CYP2S1: variants seen among roughly 807,000 people sequenced by gnomAD.
The protein encoded by CYP2S1 is cytochrome P450 family 2 subfamily S member 1.
Under a neutral mutation model 43.5 loss-of-function variants are expected in CYP2S1, and 32 were observed. The observed-to-expected ratio is 0.74, with a 90% CI of 0.56 to 0.99. The LOEUF (loss-of-function observed/expected upper bound fraction) is 0.99. CYP2S1 is among the 50% of genes least tolerant of loss of function. CYP2S1 has a pLI of 0.00. For synonymous variants in CYP2S1, 283 were observed against 302.9 expected (o/e 0.93, Z 0.68); for missense variants, 575 against 673.9 (o/e 0.85, Z 1.62).
rs2033385099 is a variant in CYP2S1 at position 41,194,546 on chromosome 19, G to A, written c.180G>A (p.Leu60=). ...TCTTTCTTCCTCCCTACCCCCAGCT[G>A]AGTAAGAAGTACGGACCGGTGTTCA... The part of the protein sequence containing the change: ...PGALYSGLMR[L]SKKYGPVFTI... Residue 60 remains leucine, a splice_region_variant and synonymous_variant, in exon 2 of 9, where the codon CTG becomes CTA. Coordinates refer to ENST00000310054, the MANE Select transcript of CYP2S1 (RefSeq NM_030622.8). 1.9e-6 allele frequency: 3 copies of A among 1,580,754 alleles called. No homozygotes were observed. The highest frequency in any genetic ancestry group is 2.6e-6 in the Non-Finnish European group (3 of 1,166,746).
chr19:41,195,967 T>C (rs987189608), intron 2 of CYP2S1, among the ~76,000 whole-genome samples: 2 of 151,938 alleles, frequency 1.3e-5, no homozygotes, highest in Non-Finnish European at 2.9e-5. Context: ...AGATATGGTG[T>C]CCTCTCCTAC....
At position 41,206,549 on chromosome 19, in the gene CYP2S1, A is replaced by G; in HGVS notation, c.*61A>G. ...GGTGCCTCCAGCCTCAACAGTGGGC[A>G]TGGACAGGGTTAATGTCTCCAGAGT... On this transcript the variant is annotated 3_prime_UTR_variant, in exon 9 of 9. Coordinates refer to ENST00000310054, the MANE Select transcript of CYP2S1 (RefSeq NM_030622.8). 1 of 1,591,098 alleles carries G rather than the reference A, an allele frequency of 6.3e-7. No individual in the cohort carries two copies. Among genetic ancestry groups the G allele is most frequent in the Non-Finnish European group, 8.6e-7 (1 of 1,159,804 alleles).
chr19:41,198,346 C>G lies in CYP2S1; in HGVS notation c.494-116C>G. ...CTTTGCCTGTTTAGCTCTCTCCCTG[C>G]GCTGTCCATCCATCTTTCCCTGCCT... On this transcript the variant is annotated intron_variant, in intron 3 of 8. Transcript: ENST00000310054. The surrounding 1 kb of genome is among the most constrained non-coding windows in gnomAD (Gnocchi z 4.9). 1 of 1,344,232 alleles carries G rather than the reference C, an allele frequency of 7.4e-7. No homozygotes were observed. The highest frequency in any genetic ancestry group is 1.0e-6 in the Non-Finnish European group (1 of 969,320). 83.3% of individuals were successfully genotyped at this position (1,344,232 alleles called of 1,614,324 possible). A position where few individuals can be genotyped will look rare whatever the true frequency, so the allele number is the denominator to read the frequency against.
At chr19:41,204,252 G>C (rs1383207535) in intron 7 of CYP2S1, among the ~76,000 whole-genome samples, 1 of 152,110 alleles carries the variant, frequency 6.6e-6, no homozygotes, top group African/African-American at 2.4e-5. Context: ...CTGCCCCACA[G>C]ATCTCCCAAT....
intron 7 of CYP2S1, 50 bp downstream of exon 7, chr19:41,203,687 G>C (rs2033523679): frequency 1.4e-6 from 2 of 1,449,586 alleles, no homozygotes; most frequent in Non-Finnish European, 9.1e-7. Context: ...CGGGGCCTGA[G>C]CCCGGGTGGT....
At chr19:41,205,410 T>TTCTCTCTC (rs1568402597) in intron 7 of CYP2S1, among the ~76,000 whole-genome samples, 11 of 128,704 alleles carry the variant, frequency 8.5e-5, no homozygotes, top group African/African-American at 3.1e-4. Context: ...CTCTCTTTCT[T>TTCTCTCTC]TCTTTCTTTC....
chr19:41,207,362 C>G lies in CYP2S1; in HGVS notation c.*874C>G, dbSNP rs1463056006. ...GCCCCTCCACACACACATACACACT[C>G]ACTGATCTACAGCCCCTGTTCGGCG... is the stretch of plus-strand genomic sequence containing the variant. On this transcript the variant is annotated 3_prime_UTR_variant, in exon 9 of 9. Transcript: ENST00000310054. 1 of 168,276 alleles carries G rather than the reference C, an allele frequency of 5.9e-6. No individual in the cohort carries two copies. Among genetic ancestry groups the G allele is most frequent in the African/African-American group, 2.4e-5 (1 of 41,758 alleles). 10.4% of individuals were successfully genotyped at this position (168,276 alleles called of 1,614,324 possible). A position where few individuals can be genotyped will look rare whatever the true frequency, so the allele number is the denominator to read the frequency against.
At position 41,198,824 on chromosome 19, in the gene CYP2S1, G is replaced by A; in HGVS notation, c.770G>A (p.Gly257Glu). Reference sequence around the variant, plus strand: ...GTCCGGCAGGTGCAGCAGCACCAGGGGAACCTGGATGCTTCGGGCCCCGCA... The same window carrying A: ...GTCCGGCAGGTGCAGCAGCACCAGGAGAACCTGGATGCTTCGGGCCCCGCA... ...FTVRQVQQHQ[G>E]NLDASGPARD... Residue 257 changes from glycine to glutamate, a missense_variant, in exon 5 of 9, where the codon GGG becomes GAG. Physicochemically the swap from Gly to Glu is moderately conservative, Grantham distance 98. Coordinates refer to ENST00000310054, the MANE Select transcript of CYP2S1 (RefSeq NM_030622.8). This position sits in a 1 kb window ranked among gnomAD's most constrained non-coding sequence, Gnocchi z 4.9. 1 of 1,614,172 alleles carries A rather than the reference G, an allele frequency of 6.2e-7. No individual in the cohort carries two copies. Among genetic ancestry groups the A allele is most frequent in the Non-Finnish European group, 8.5e-7 (1 of 1,180,034 alleles).
At chr19:41,203,290 C>T (rs2033514755) in intron 6 of CYP2S1, among the ~76,000 whole-genome samples, 160 bp from the exon 7 acceptor site, 1 of 152,048 alleles carries the variant, frequency 6.6e-6, no homozygotes, top group Non-Finnish European at 1.5e-5. Flanking sequence ...ACACCCAACA[C>T]ACAAGATGTG....
chr19:41,207,052 C>G lies in CYP2S1; in HGVS notation c.*564C>G, dbSNP rs937873117. The G allele has an allele frequency of 2.9e-6, 1 of 349,390 alleles. No individual in the cohort carries two copies. The allele number at this position is 349,390 out of a possible 1,614,324, so 21.6% of individuals were successfully genotyped here. Reference sequence around the variant, plus strand: ...TGTGACCACCGATGTCCACACACCCCCAACCACTTGTCCACACAGCTACCC... The same window carrying G: ...TGTGACCACCGATGTCCACACACCCGCAACCACTTGTCCACACAGCTACCC... On this transcript the variant is annotated 3_prime_UTR_variant, in exon 9 of 9. Coordinates refer to ENST00000310054, the MANE Select transcript of CYP2S1 (RefSeq NM_030622.8).
Position 41,206,114 on chromosome 19 carries a change from C to T in CYP2S1, c.1306+15C>T. ...CTTCTCCTTAGGTATCTGCTGCAGC[C>T]CTGGGTATCACAAGCAGGTGCTGGC... is the stretch of plus-strand genomic sequence containing the variant. On this transcript the variant is annotated intron_variant, in intron 8 of 8. Transcript: ENST00000310054. 1 of 1,613,106 alleles carries T rather than the reference C, an allele frequency of 6.2e-7. No individual in the cohort carries two copies. The highest frequency in any genetic ancestry group is 8.5e-7 in the Non-Finnish European group (1 of 1,179,412).
At chr19:41,205,100 C>T (rs568672677) in intron 7 of CYP2S1, among the ~76,000 whole-genome samples, 2 of 152,258 alleles carry the variant, frequency 1.3e-5, no homozygotes, top group African/African-American at 2.4e-5. Context: ...TGACAGGTAT[C>T]CAGGCTTGAG....
In CYP2S1 at chr19:41,198,989, TTCTC is replaced by T. The variant is rs2033453913; in HGVS notation, c.834+107_834+110del. The T allele has an allele frequency of 7.3e-7, 1 of 1,371,998 alleles. No individual in the cohort carries two copies. Among genetic ancestry groups the T allele is most frequent in the South Asian group, 1.4e-5 (1 of 72,028 alleles). 85.0% of individuals were successfully genotyped at this position (1,371,998 alleles called of 1,614,324 possible). A position where few individuals can be genotyped will look rare whatever the true frequency, so the allele number is the denominator to read the frequency against. On this transcript the variant is annotated intron_variant, in intron 5 of 8. Coordinates refer to ENST00000310054, the MANE Select transcript of CYP2S1 (RefSeq NM_030622.8). The surrounding 1 kb of genome is among the most constrained non-coding windows in gnomAD (Gnocchi z 4.9). ...GGACCTCAATTGGGTTCCTCTCTCTTTCTCTCTCTGCATGTCTCTGTGAGTATGA... is the reference window on the plus strand; with the variant it reads ...GGACCTCAATTGGGTTCCTCTCTCTTTCTCTGCATGTCTCTGTGAGTATGA...
At position 41,196,249 on chromosome 19, in the gene CYP2S1, G is replaced by A. The variant is rs1405630689; in HGVS notation, c.344-1530G>A. Among the ~76,000 whole-genome samples the A allele has an allele frequency of 8.5e-5, 13 of 152,146 alleles. 1 individual carries two copies. Among genetic ancestry groups the A allele is most frequent in the Non-Finnish European group, 1.8e-4 (12 of 68,036 alleles). On this transcript the variant is annotated intron_variant, in intron 2 of 8. Coordinates refer to ENST00000310054, the MANE Select transcript of CYP2S1 (RefSeq NM_030622.8). Reference sequence around the variant, plus strand: ...ATAGGCCTAGACAGGGGATCCTGACGCCCTTGAGGAAGTGAGAGAAGACCA... The same window carrying A: ...ATAGGCCTAGACAGGGGATCCTGACACCCTTGAGGAAGTGAGAGAAGACCA...
At chr19:41,205,669 A>C (rs760247391) in intron 7 of CYP2S1, among the ~76,000 whole-genome samples, 2 of 151,880 alleles carry the variant, frequency 1.3e-5, no homozygotes, top group Non-Finnish European at 1.5e-5. Flanking sequence ...CAACGGGCTC[A>C]TACCACCATG....
At chr19:41,194,761 G>A (rs755689505) in intron 2 of CYP2S1, 52 bp downstream of exon 2, 1 of 1,572,670 alleles carries the variant, frequency 6.4e-7, no homozygotes, top group Non-Finnish European at 8.6e-7. Context: ...CCACTTACTG[G>A]TGTGTGACCT....
chr19:41,206,024 G>C lies in CYP2S1; in HGVS notation c.1231G>C (p.Glu411Gln). 6.2e-7 allele frequency: 1 copy of C among 1,614,100 alleles called. No homozygotes were observed. The highest frequency in any genetic ancestry group is 2.2e-5 in the East Asian group (1 of 44,864). Residue 411 changes from glutamate to glutamine, a missense_variant, in exon 8 of 9, where the codon GAG becomes CAG. Around this residue, in one of 2 missense-constraint regions of CYP2S1, gnomAD observed 222 missense variants for 306.3 expected, o/e 0.72. Transcript: ENST00000310054. Reference sequence around the variant, plus strand: ...CCCCAACATCTTCAAGCACCCAGAAGAGTTCAACCCAGACCGTTTCCTGGA... The same window carrying C: ...CCCCAACATCTTCAAGCACCCAGAACAGTTCAACCCAGACCGTTTCCTGGA... ...HDPNIFKHPEEFNPDRFLDAD... is the reference protein window; with the variant it reads ...HDPNIFKHPEQFNPDRFLDAD...
chr19:41,194,760 G>T, intron 2 of CYP2S1, 51 bp downstream of exon 2: 1 of 1,579,460 alleles, frequency 6.3e-7, no homozygotes, highest in Non-Finnish European at 8.6e-7. Context: ...ACCACTTACT[G>T]GTGTGTGACC....
intron 6 of CYP2S1, among the ~76,000 whole-genome samples, chr19:41,203,118 G>A (rs1035472077): frequency 3.3e-5 from 5 of 151,520 alleles, no homozygotes; most frequent in Middle Eastern, 3.4e-3. Flanking sequence ...AGGCTGAGGC[G>A]GGAGAATCGC....
Sources: allele counts gnomAD v4.1 joint callset (sites outside exome capture counted in the v4.1 genomes callset), GRCh38; gene constraint gnomAD v4.1.1; regional missense constraint gnomAD v4.1.1; non-coding constraint Gnocchi (gnomAD v3.1); transcripts MANE v1.5; gene names NCBI Gene and HGNC (gene_info 2026-07-23, HGNC 2026-07-21).